The following PEAK1 variants were observed in gnomAD, a reference collection of about 807,000 sequenced individuals.
The protein encoded by PEAK1 is inactive tyrosine-protein kinase PEAK1.
Under a neutral mutation model 124.7 loss-of-function variants are expected in PEAK1, and 54 were observed. That is an observed-to-expected ratio of 0.43 (90% CI 0.35 to 0.54). PEAK1 has a LOEUF of 0.54. Ranked by LOEUF, PEAK1 falls within the 20% of genes least tolerant of loss-of-function variation. The probability of loss-of-function intolerance (pLI) is 0.01; values close to 1 mark genes in which losing one functional copy is unlikely to be tolerated. For missense variants in PEAK1, 2,046 were observed against 2,134.5 expected (o/e 0.96, Z 0.82); for synonymous variants, 719 against 760.0 (o/e 0.95, Z 0.89).
chr15:77,269,315 G>A (rs978731077), intron 5 of PEAK1, among the ~76,000 whole-genome samples: 6 of 152,126 alleles, frequency 3.9e-5, no homozygotes, highest in Admixed American at 3.3e-4. Flanking sequence ...AGGTAACAGG[G>A]TGGAAAAAGA....
Position 77,288,884 on chromosome 15 carries a change from G to C in PEAK1, c.-602-2380C>G, listed in dbSNP as rs2063064501. Reference sequence around the variant, plus strand: ...GCGGAGCTTGCAGTGAGCCGAGATAGTGCCACTGCACTCCAGCATGGGCAC... The same window carrying C: ...GCGGAGCTTGCAGTGAGCCGAGATACTGCCACTGCACTCCAGCATGGGCAC... On this transcript the variant is annotated intron_variant, in intron 2 of 9. Transcript: ENST00000682557. Among the ~76,000 whole-genome samples the C allele has an allele frequency of 2.0e-5, 3 of 146,688 alleles. 1 individual carries two copies. In the South Asian group the frequency reaches 6.4e-4, roughly 31 times the overall value.
intron 6 of PEAK1, among the ~76,000 whole-genome samples, chr15:77,234,813 A>T (rs1324798484): frequency 2.7e-5 from 4 of 150,462 alleles, no homozygotes; most frequent in African/African-American, 7.4e-5. Flanking sequence ...TTAAAAAAAA[A>T]TATATATATT....
intron 2 of PEAK1, among the ~76,000 whole-genome samples, chr15:77,361,243 A>G (rs2067866487): frequency 6.6e-6 from 1 of 152,156 alleles, no homozygotes; most frequent in South Asian, 2.1e-4. Flanking sequence ...GAAGACATAT[A>G]CCAGCCTGGG....
chr15:77,403,335 T>A, intron 1 of PEAK1: 1 of 938,270 alleles, frequency 1.1e-6, no homozygotes, highest in Non-Finnish European at 1.3e-6. Context: ...AATAAGATAG[T>A]AACATATTTT....
intron 2 of PEAK1, among the ~76,000 whole-genome samples, chr15:77,308,601 G>C (rs1424180969): frequency 6.6e-6 from 1 of 151,950 alleles, no homozygotes; most frequent in Non-Finnish European, 1.5e-5. Context: ...AATCAGTTTT[G>C]ATATTTCATT....
chr15:77,176,298 TAAC>T lies in PEAK1; in HGVS notation c.3137+2489_3137+2491del, dbSNP rs1432425159. Among the ~76,000 whole-genome samples, 17 of 145,946 alleles carry T rather than the reference TAAC, an allele frequency of 1.2e-4. 1 individual carries two copies. ...AAAAGAAAAAAAAAAAGAAAAATGCTAACAAATAAAGTTTTACATTTTTCAAAA... is the reference window on the plus strand; with the variant it reads ...AAAAGAAAAAAAAAAAGAAAAATGCTAAATAAAGTTTTACATTTTTCAAAA... On this transcript the variant is annotated intron_variant, in intron 7 of 9. Coordinates refer to ENST00000682557, the MANE Select transcript of PEAK1 (RefSeq NM_001385026.1).
chr15:77,272,734 GAAGGA>G (rs1382107531), intron 5 of PEAK1, among the ~76,000 whole-genome samples: 1 of 151,514 alleles, frequency 6.6e-6, no homozygotes, highest in Non-Finnish European at 1.5e-5. Context: ...GATACAGAAA[GAAGGA>G]ATCCTCCCGA....
chr15:77,408,993 C>A (rs895564926), intron 1 of PEAK1, among the ~76,000 whole-genome samples: 1 of 152,092 alleles, frequency 6.6e-6, no homozygotes, highest in Admixed American at 6.5e-5. Context: ...ATCGTTTGAG[C>A]CCGGGAGGTC....
At chr15:77,369,005 T>C (rs538768349) in intron 1 of PEAK1, among the ~76,000 whole-genome samples, 31 of 152,330 alleles carry the variant, frequency 2.0e-4, no homozygotes, top group South Asian at 4.1e-4. Flanking sequence ...CTTCTCAAGT[T>C]TGACATTTGC....
intron 1 of PEAK1, chr15:77,418,495 C>T (rs1031616931): frequency 5.1e-6 from 5 of 984,916 alleles, no homozygotes; most frequent in Non-Finnish European, 4.8e-6. Context: ...ACTAGCAATG[C>T]TATGACTTCT....
At chr15:77,291,698 C>T (rs1384726299) in intron 2 of PEAK1, among the ~76,000 whole-genome samples, 1 of 152,054 alleles carries the variant, frequency 6.6e-6, no homozygotes, top group Non-Finnish European at 1.5e-5. Flanking sequence ...AGAGTTATGG[C>T]CAGGCGCGGT....
chr15:77,247,608 T>A (rs1365249404), intron 6 of PEAK1, among the ~76,000 whole-genome samples: 1 of 149,690 alleles, frequency 6.7e-6, no homozygotes, highest in East Asian at 2.0e-4. Context: ...CCAGAGTAGC[T>A]GGGATTACAG....
At chr15:77,337,801 T>A in intron 2 of PEAK1, 2 of 985,284 alleles carry the variant, frequency 2.0e-6, no homozygotes, top group Non-Finnish European at 2.4e-6. Flanking sequence ...GAAGACAGAA[T>A]GGAAAACGCT....
At chr15:77,192,591 G>A (rs948927119) in intron 6 of PEAK1, among the ~76,000 whole-genome samples, 6 of 152,172 alleles carry the variant, frequency 3.9e-5, no homozygotes, top group African/African-American at 1.4e-4. Context: ...CTACTAAAGT[G>A]AGCCCAAACA....
intron 1 of PEAK1, among the ~76,000 whole-genome samples, chr15:77,388,381 A>G (rs2070142463): frequency 6.6e-6 from 1 of 152,222 alleles, no homozygotes; most frequent in African/African-American, 2.4e-5. Context: ...TGAAATCTGT[A>G]TCAGAACTTT....
intron 2 of PEAK1, among the ~76,000 whole-genome samples, chr15:77,329,653 CTCAT>C (rs2065783515): frequency 6.6e-6 from 1 of 152,166 alleles, no homozygotes; most frequent in African/African-American, 2.4e-5. Flanking sequence ...TGATATACCT[CTCAT>C]TCATTAGCAA....
intron 2 of PEAK1, among the ~76,000 whole-genome samples, 188 bp downstream of exon 2, chr15:77,364,975 T>C (rs1289637621): frequency 6.6e-6 from 1 of 152,180 alleles, no homozygotes; most frequent in African/African-American, 2.4e-5. Context: ...CTAGAACAAG[T>C]TTCATTTATT....
intron 6 of PEAK1, among the ~76,000 whole-genome samples, chr15:77,227,852 C>A (rs924789679): frequency 6.6e-6 from 1 of 151,754 alleles, no homozygotes; most frequent in African/African-American, 2.4e-5. Context: ...AAAAAATTAG[C>A]CTGGTATGGT....
intron 1 of PEAK1, chr15:77,381,456 TA>T: frequency 1.0e-6 from 1 of 964,832 alleles, no homozygotes; most frequent in Non-Finnish European, 1.2e-6. Flanking sequence ...TTTAAAAGAA[TA>T]AGGCAATGGC....
Sources: allele counts gnomAD v4.1 joint callset (sites outside exome capture counted in the v4.1 genomes callset), GRCh38; gene constraint gnomAD v4.1.1; transcripts MANE v1.5; gene names NCBI Gene and HGNC (gene_info 2026-07-23, HGNC 2026-07-21).